TCF20: variants seen among roughly 807,000 people sequenced by gnomAD.
TCF20 encodes the protein SPRE-binding protein.
Under a neutral mutation model 148.6 loss-of-function variants are expected in TCF20, and 3 were observed. That is an observed-to-expected ratio of 0.02 (90% CI 0.01 to 0.05). The LOEUF is 0.05. TCF20 is among the 10% of genes least tolerant of loss of function. TCF20 has a pLI of 1.00. For synonymous variants in TCF20, 1,049 were observed against 909.5 expected, an observed-to-expected ratio of 1.15 and a Z score of -2.76; for missense variants, 2,350 against 2,429.3, an observed-to-expected ratio of 0.97 and a Z score of 0.69.
chr22:42,210,328 A>T lies in TCF20; in HGVS notation c.4978T>A (p.Leu1660Ile), dbSNP rs1286105451. The change falls in exon 2 of 6, where the codon TTA (leucine) becomes ATA (isoleucine). Residue 1660 changes from leucine to isoleucine, a missense_variant. Coordinates refer to ENST00000677622, the MANE Select transcript of TCF20 (RefSeq NM_001378418.1). This position sits in a 1 kb window ranked among gnomAD's most constrained non-coding sequence, Gnocchi z 4.7. The part of the protein sequence containing the change: ...INAEEEEQTK[L>I]VRGRKGQRSL... ...CTCTGACCCTTCCTGCCCCTCACTA[A>T]TTTGGTCTGTTCTTCTTCCTCAGCA... is the stretch of plus-strand genomic sequence containing the variant. The T allele has an allele frequency of 1.9e-6, 3 of 1,613,972 alleles. No individual in the cohort carries two copies. In the South Asian group the frequency reaches 3.3e-5, roughly 18 times the overall value.
At chr22:42,178,070 C>T (rs1056330542) in intron 3 of TCF20, among the ~76,000 whole-genome samples, 7 of 152,242 alleles carry the variant, frequency 4.6e-5, no homozygotes, top group South Asian at 4.2e-4. Flanking sequence ...CCAAAAAATC[C>T]GTGAACTACT....
At chr22:42,248,168 C>T (rs776818366) in intron 1 of TCF20, among the ~76,000 whole-genome samples, 1 of 152,188 alleles carries the variant, frequency 6.6e-6, no homozygotes, top group Admixed American at 6.5e-5. Context: ...GGAGAGAGCA[C>T]GTACTCATGT....
chr22:42,325,311 G>C (rs562456439), intron 1 of TCF20, among the ~76,000 whole-genome samples: 315 of 152,352 alleles, frequency 2.1e-3, no homozygotes, highest in African/African-American at 7.4e-3. Flanking sequence ...GCCACTCCCA[G>C]GCTGGCTCTG....
At chr22:42,252,861 C>T (rs1446735198) in intron 1 of TCF20, among the ~76,000 whole-genome samples, 1 of 152,104 alleles carries the variant, frequency 6.6e-6, no homozygotes, top group Admixed American at 6.5e-5. Flanking sequence ...TATTTTCATA[C>T]AACCATTTTA....
chr22:42,226,668 G>A (rs969507928), intron 1 of TCF20, among the ~76,000 whole-genome samples: 1 of 152,204 alleles, frequency 6.6e-6, no homozygotes, highest in African/African-American at 2.4e-5. Context: ...TCACGCCACT[G>A]AACTCCATCC....
chr22:42,215,852 G>C (rs1331966451), intron 1 of TCF20, among the ~76,000 whole-genome samples: 2 of 152,060 alleles, frequency 1.3e-5, no homozygotes. Context: ...AGTGAGGCAA[G>C]AATCTGTAGT....
chr22:42,221,980 C>T (rs534596601), intron 1 of TCF20, among the ~76,000 whole-genome samples: 7 of 151,928 alleles, frequency 4.6e-5, no homozygotes, highest in African/African-American at 1.2e-4. Flanking sequence ...CCTCATGATC[C>T]GCCCGCCTCA....
At chr22:42,291,105 C>T (rs1244023568) in intron 1 of TCF20, among the ~76,000 whole-genome samples, 2 of 152,206 alleles carry the variant, frequency 1.3e-5, no homozygotes, top group Non-Finnish European at 2.9e-5. Flanking sequence ...TCCTTCCCGT[C>T]TCTGGGACTC....
Position 42,209,930 on chromosome 22 carries a change from C to T in TCF20, c.5376G>A (p.Ser1792=), listed in dbSNP as rs34823825. 5.0e-4 allele frequency: 812 copies of T among 1,614,132 alleles called. No individual in the cohort carries two copies. Among genetic ancestry groups the T allele is most frequent in the Non-Finnish European group, 6.5e-4 (767 of 1,180,036 alleles). The change falls in exon 2 of 6, where the codon TCG becomes TCA. Residue 1792 remains serine (S), a synonymous_variant. Transcript: ENST00000677622. ...ACCGAGGGCCTCCACCACAGTCTTC[C>T]GAGCGGTGGCGCCGCTTAAACCTGG... ...AHPRFKRRHR[S]EDCGGGPRSL... is the part of the protein sequence containing the mutation.
chr22:42,294,650 G>T (rs1316620763), intron 1 of TCF20, among the ~76,000 whole-genome samples: 1 of 152,242 alleles, frequency 6.6e-6, no homozygotes, highest in Non-Finnish European at 1.5e-5. Context: ...GCCAGGCTAG[G>T]CTCCTGGCAG....
intron 1 of TCF20, among the ~76,000 whole-genome samples, chr22:42,227,498 C>A (rs949529345): frequency 6.6e-6 from 1 of 152,156 alleles, no homozygotes; most frequent in African/African-American, 2.4e-5. Context: ...ACATTCTCCT[C>A]CATAACCAGC....
chr22:42,231,910 C>CAG, intron 1 of TCF20, among the ~76,000 whole-genome samples: 1 of 113,040 alleles, frequency 8.8e-6, no homozygotes, highest in East Asian at 2.7e-4. Flanking sequence ...GCCTGGGCGA[C>CAG]AGAGAGAGAC....
At chr22:42,176,802 G>A (rs905765275) in intron 3 of TCF20, among the ~76,000 whole-genome samples, 7 of 152,198 alleles carry the variant, frequency 4.6e-5, no homozygotes, top group Non-Finnish European at 8.8e-5. Flanking sequence ...CTGATCTTAC[G>A]GAAGTATTAA....
In TCF20 at chr22:42,213,240, C is replaced by T. The variant is rs1034050418; in HGVS notation, c.2066G>A (p.Gly689Asp). Reference protein sequence around the residue: ...GNGQSGHSAAGPGFTSRTEPS... With the variant: ...GNGQSGHSAADPGFTSRTEPS... The stretch of plus-strand genomic sequence containing the variant: ...CTCAGTTCTGCTCGTAAAACCAGGG[C>T]CCGCTGCAGAGTGGCCACTCTGGCC... Residue 689 changes from glycine (G) to aspartate (D), a missense_variant, in exon 2 of 6, where the codon GGC becomes GAC. Gly to Asp is a moderately conservative substitution (Grantham distance 94). This residue lies in a region of TCF20 where 1,641 missense variants were observed against 1,662.6 expected (regional missense o/e 0.99). Transcript: ENST00000677622. The T allele has an allele frequency of 6.2e-7, 1 of 1,614,130 alleles. No individual in the cohort carries two copies.
chr22:42,230,494 C>T (rs1325469185), intron 1 of TCF20, among the ~76,000 whole-genome samples: 2 of 152,048 alleles, frequency 1.3e-5, no homozygotes, highest in Non-Finnish European at 2.9e-5. Context: ...AAATAGTTAA[C>T]TAAAGCTGGG....
chr22:42,296,654 C>T (rs560811736), intron 1 of TCF20, among the ~76,000 whole-genome samples: 1 of 152,326 alleles, frequency 6.6e-6, no homozygotes, highest in South Asian at 2.1e-4. Flanking sequence ...GCAGGCCAGG[C>T]AGGGCTGAGA....
intron 1 of TCF20, among the ~76,000 whole-genome samples, chr22:42,316,872 A>T (rs141950877): frequency 6.6e-6 from 1 of 152,264 alleles, no homozygotes; most frequent in Non-Finnish European, 1.5e-5. Context: ...CACTGGCAGA[A>T]CTTTCTGGTC....
chr22:42,227,505 C>A (rs926611672), intron 1 of TCF20, among the ~76,000 whole-genome samples: 27 of 152,108 alleles, frequency 1.8e-4, no homozygotes, highest in African/African-American at 5.8e-4. Flanking sequence ...CCTCCATAAC[C>A]AGCATACAAG....
intron 1 of TCF20, among the ~76,000 whole-genome samples, chr22:42,265,459 C>A (rs1411734605): frequency 2.0e-5 from 3 of 152,164 alleles, no homozygotes; most frequent in Non-Finnish European, 2.9e-5. Flanking sequence ...CAGGCACCCA[C>A]GTCACATCTG....
Sources: gnomAD v4.1 joint callset for allele counts (sites outside exome capture counted in the v4.1 genomes callset) on GRCh38, gnomAD v4.1.1 for gene constraint, gnomAD v4.1.1 regional missense constraint, Gnocchi (gnomAD v3.1) non-coding constraint, MANE v1.5 for transcripts, NCBI Gene and HGNC (gene_info 2026-07-23, HGNC 2026-07-21) for gene names.